ZFPM2: variants seen among roughly 807,000 people sequenced by gnomAD.
ZFPM2 encodes zinc finger protein ZFPM2.
ZFPM2 carries 20 observed loss-of-function variants against 98.6 expected under a neutral mutation model. The ratio of observed to expected loss-of-function variants is 0.20; its 90% CI spans 0.14 to 0.29. The LOEUF (loss-of-function observed/expected upper bound fraction) is 0.29. Ranked by LOEUF, ZFPM2 falls within the 10% of genes least tolerant of loss-of-function variation. The pLI is 1.00. For synonymous variants in ZFPM2, 518 were observed against 502.7 expected, an observed-to-expected ratio of 1.03 and a Z score of -0.41; for missense variants, 1,310 against 1,388.6, an observed-to-expected ratio of 0.94 and a Z score of 0.90.
intron 1 of ZFPM2, among the ~76,000 whole-genome samples, chr8:105,376,528 A>T (rs911936820): frequency 1.3e-5 from 2 of 152,174 alleles, no homozygotes; most frequent in African/African-American, 4.8e-5. Flanking sequence ...TCTAACAAGC[A>T]TCTCAAATTT....
At chr8:105,536,322 GGTGAT>G (rs1339584736) in intron 3 of ZFPM2, among the ~76,000 whole-genome samples, 1 of 151,790 alleles carries the variant, frequency 6.6e-6, no homozygotes, top group East Asian at 1.9e-4. Flanking sequence ...ATTATTGGTA[GGTGAT>G]TGCTAATATA....
In ZFPM2 at chr8:105,456,146, G is replaced by GTTTTTTT. The variant is rs200639878; in HGVS notation, c.301+11768_301+11774dup. Among the ~76,000 whole-genome samples the GTTTTTTT allele has an allele frequency of 8.6e-5, 8 of 93,346 alleles. 1 individual carries two copies. The highest frequency in any genetic ancestry group is 1.2e-4 in the Non-Finnish European group (5 of 41,008). The allele number at this position is 93,346 out of a possible 152,430, so 61.2% of individuals were successfully genotyped here. On this transcript the variant is annotated intron_variant, in intron 3 of 7. Transcript: ENST00000407775. ...AGAAGATGGGGAAAACCAGGAAAAT[G>GTTTTTTT]TTTTTTTTTGTTTGTTTGTTTGTTT...
intron 6 of ZFPM2, chr8:105,797,372 G>T (rs966345542): frequency 6.6e-6 from 1 of 152,166 alleles, no homozygotes; most frequent in Non-Finnish European, 1.5e-5. Flanking sequence ...TTAGAGTACT[G>T]CAGTTACCTC....
intron 3 of ZFPM2, 103 bp downstream of exon 3, chr8:105,444,484 G>A: frequency 1.3e-6 from 1 of 741,446 alleles, no homozygotes; most frequent in Non-Finnish European, 2.2e-6. Flanking sequence ...ATGTTTTTGT[G>A]TGTGCTGGTT....
chr8:105,508,735 T>C (rs1813752256), intron 3 of ZFPM2, among the ~76,000 whole-genome samples: 1 of 152,084 alleles, frequency 6.6e-6, no homozygotes, highest in Admixed American at 6.5e-5. Flanking sequence ...CTTGATTTAC[T>C]TTAATTTGTC....
At chr8:105,422,488 CT>C (rs908350305) in intron 2 of ZFPM2, among the ~76,000 whole-genome samples, 21 of 151,796 alleles carry the variant, frequency 1.4e-4, no homozygotes, top group Admixed American at 3.3e-4. Flanking sequence ...ATTAATGAAA[CT>C]TTTTTTTGCA....
At chr8:105,583,781 G>A (rs889051928) in intron 4 of ZFPM2, among the ~76,000 whole-genome samples, 1 of 152,110 alleles carries the variant, frequency 6.6e-6, no homozygotes, top group African/African-American at 2.4e-5. Flanking sequence ...AAAAGGACCT[G>A]AAGGAATGAG....
intron 6 of ZFPM2, among the ~76,000 whole-genome samples, chr8:105,796,554 A>G (rs1813823149): frequency 6.6e-6 from 1 of 152,228 alleles, no homozygotes; most frequent in Non-Finnish European, 1.5e-5. Flanking sequence ...CTATTATTAT[A>G]CTTACTATCC....
chr8:105,620,225 T>C (rs1816507604), intron 4 of ZFPM2, among the ~76,000 whole-genome samples: 1 of 152,200 alleles, frequency 6.6e-6, no homozygotes, highest in Non-Finnish European at 1.5e-5. Context: ...ATCACCATTC[T>C]AACTGCTGTG....
intron 3 of ZFPM2, among the ~76,000 whole-genome samples, chr8:105,464,278 C>G (rs1314328107): frequency 6.6e-6 from 1 of 151,934 alleles, no homozygotes; most frequent in Non-Finnish European, 1.5e-5. Flanking sequence ...TTGATGCTTT[C>G]TATTTTATAT....
chr8:105,351,168 G>A (rs553332917), intron 1 of ZFPM2, among the ~76,000 whole-genome samples: 3 of 132,714 alleles, frequency 2.3e-5, no homozygotes, highest in Admixed American at 1.6e-4. Context: ...GTGAGACTCT[G>A]TCTCAAAAAA....
At chr8:105,702,313 T>A (rs1341592145) in intron 5 of ZFPM2, among the ~76,000 whole-genome samples, 1 of 152,200 alleles carries the variant, frequency 6.6e-6, no homozygotes, top group Non-Finnish European at 1.5e-5. Context: ...CTGTGTTAGG[T>A]CTTCCCATGA....
chr8:105,740,889 TCAGATAAGTTGGTGAGGGAAGACCTTA>T (rs1812199872), intron 5 of ZFPM2, among the ~76,000 whole-genome samples: 1 of 152,062 alleles, frequency 6.6e-6, no homozygotes, highest in Admixed American at 6.6e-5. Flanking sequence ...GTTTGCAATT[TCAGATAAGTTGGTGAGGGAAGACCTTA>T]CTTGAGAAAG....
At chr8:105,534,030 CCCTCCCTCCCTCCCTTCCTCCCTT>C (rs1814372398) in intron 3 of ZFPM2, among the ~76,000 whole-genome samples, 5 of 21,820 alleles carry the variant, frequency 2.3e-4, no homozygotes, top group African/African-American at 1.8e-3. Flanking sequence ...TTCCCTTCCT[CCCTCCCTCCCTCCCTTCCTCCCTT>C]CCTCCCTCCC....
intron 4 of ZFPM2, among the ~76,000 whole-genome samples, chr8:105,625,605 A>T (rs537933372): frequency 1.4e-5 from 2 of 147,386 alleles, no homozygotes; most frequent in Admixed American, 6.8e-5. Context: ...TTTCAGTTGG[A>T]CTTTCACTCT....
chr8:105,786,346 A>G (rs1207300450), intron 5 of ZFPM2, among the ~76,000 whole-genome samples: 1 of 152,196 alleles, frequency 6.6e-6, no homozygotes, highest in African/African-American at 2.4e-5. Flanking sequence ...TTAATGTGAT[A>G]TTGTAATATA....
chr8:105,512,123 C>T (rs575400698), intron 3 of ZFPM2, among the ~76,000 whole-genome samples: 1 of 152,176 alleles, frequency 6.6e-6, no homozygotes, highest in African/African-American at 2.4e-5. Flanking sequence ...CCAACCTGGG[C>T]CACAGAGCAA....
At chr8:105,749,323 A>C (rs1490645007) in intron 5 of ZFPM2, among the ~76,000 whole-genome samples, 1 of 152,044 alleles carries the variant, frequency 6.6e-6, no homozygotes, top group South Asian at 2.1e-4. Flanking sequence ...TGATAGATTT[A>C]AAAAAAGACT....
intron 3 of ZFPM2, among the ~76,000 whole-genome samples, chr8:105,527,375 C>A (rs979700072): frequency 1.3e-5 from 2 of 152,176 alleles, no homozygotes; most frequent in Admixed American, 6.6e-5. Context: ...TTGAAAAACA[C>A]ACAGAGCGAA....
Sources: allele counts gnomAD v4.1 joint callset (sites outside exome capture counted in the v4.1 genomes callset), GRCh38; gene constraint gnomAD v4.1.1; transcripts MANE v1.5; gene names NCBI Gene and HGNC (gene_info 2026-07-23, HGNC 2026-07-21).